MRPS27: variants seen among roughly 807,000 people sequenced by gnomAD.
The protein encoded by MRPS27 is small ribosomal subunit protein mS27.
In MRPS27, 43 loss-of-function variants were observed where a neutral mutation model predicts 48.9. The observed-to-expected ratio is 0.88, with a 90% confidence interval of 0.69 to 1.13. The LOEUF (loss-of-function observed/expected upper bound fraction) is 1.13, where lower values mean the gene tolerates loss of function less well. Among genes scored for constraint, MRPS27 ranks in the 50% most tolerant of loss-of-function variants. MRPS27 has a pLI of 0.00. For synonymous variants in MRPS27, 188 were observed against 171.9 expected, an observed-to-expected ratio of 1.09 and a Z score of -0.73; for missense variants, 467 against 476.3, an observed-to-expected ratio of 0.98 and a Z score of 0.18.
At chr5:72,291,924 C>A (rs1295552192) in intron 4 of MRPS27, among the ~76,000 whole-genome samples, 1 of 152,226 alleles carries the variant, frequency 6.6e-6, no homozygotes, top group African/African-American at 2.4e-5. Flanking sequence ...AAGAGGTTTA[C>A]CATTTAGCCT....
At chr5:72,237,701 A>T (rs747951803) in intron 5 of MRPS27, among the ~76,000 whole-genome samples, 1 of 152,042 alleles carries the variant, frequency 6.6e-6, no homozygotes, top group Non-Finnish European at 1.5e-5. Context: ...CCTATACTTC[A>T]CCAGAAGGAA....
chr5:72,225,226 A>G (rs1747859854), intron 9 of MRPS27, among the ~76,000 whole-genome samples: 1 of 152,238 alleles, frequency 6.6e-6, no homozygotes, highest in Non-Finnish European at 1.5e-5. Context: ...AGACATAAGT[A>G]TAAGGTGACA....
intron 2 of MRPS27, among the ~76,000 whole-genome samples, chr5:72,303,992 A>ATAAAATTGG (rs1178953237): frequency 6.6e-6 from 1 of 152,096 alleles, no homozygotes; most frequent in Non-Finnish European, 1.5e-5. Context: ...TTAGAACTCA[A>ATAAAATTGG]TAAAATTGGT....
chr5:72,277,791 G>C (rs867648387), intron 4 of MRPS27, among the ~76,000 whole-genome samples: 3 of 152,120 alleles, frequency 2.0e-5, no homozygotes, highest in Non-Finnish European at 4.4e-5. Context: ...CCTTTGCAGG[G>C]AAAGGGATGG....
chr5:72,263,998 C>A (rs1417249071), intron 4 of MRPS27, among the ~76,000 whole-genome samples: 2 of 152,066 alleles, frequency 1.3e-5, no homozygotes, highest in African/African-American at 4.8e-5. Context: ...ACCCAAGCAT[C>A]CATCAACAGA....
intron 2 of MRPS27, among the ~76,000 whole-genome samples, chr5:72,302,285 T>C (rs977273164): frequency 2.0e-5 from 3 of 152,206 alleles, no homozygotes; most frequent in African/African-American, 7.2e-5. Flanking sequence ...TGGGTGAGGA[T>C]TCAGATTGCC....
At chr5:72,303,882 C>CAAAAAAA (rs397818748) in intron 2 of MRPS27, among the ~76,000 whole-genome samples, 64 of 69,112 alleles carry the variant, frequency 9.3e-4, no homozygotes, top group Middle Eastern at 9.3e-3. Flanking sequence ...GACCTCATCT[C>CAAAAAAA]AAAAAAAAAA....
chr5:72,228,477 CAAA>C, intron 7 of MRPS27, 109 bp from the exon 8 acceptor site: 2 of 674,794 alleles, frequency 3.0e-6, no homozygotes, highest in Non-Finnish European at 5.0e-6. Flanking sequence ...ATTAAGTAAA[CAAA>C]GAAGAACAAA....
intron 4 of MRPS27, among the ~76,000 whole-genome samples, chr5:72,282,492 T>C (rs956704215): frequency 3.3e-5 from 5 of 152,126 alleles, no homozygotes; most frequent in East Asian, 3.9e-4. Flanking sequence ...AATTTGACTT[T>C]ACAATTATAA....
At chr5:72,227,050 C>T (rs1747919762) in intron 8 of MRPS27, 1 of 152,286 alleles carries the variant, frequency 6.6e-6, no homozygotes, top group African/African-American at 2.4e-5. Context: ...AATTTTAGAC[C>T]TTTAAGGTGC....
chr5:72,226,010 G>A (rs757408343), intron 9 of MRPS27, 47 bp downstream of exon 9: 1 of 1,577,130 alleles, frequency 6.3e-7, no homozygotes, highest in Admixed American at 1.7e-5. Context: ...CTCAGGTTAT[G>A]GGAAACAGAT....
At chr5:72,301,519 T>C (rs772083784) in intron 2 of MRPS27, among the ~76,000 whole-genome samples, 3 of 152,224 alleles carry the variant, frequency 2.0e-5, no homozygotes, top group Non-Finnish European at 2.9e-5. Context: ...TATGGCCTAA[T>C]TAAAATGAAA....
chr5:72,228,200 A>G (rs767952307), intron 8 of MRPS27, 66 bp downstream of exon 8: 30 of 1,315,582 alleles, frequency 2.3e-5, no homozygotes, highest in African/African-American at 2.9e-5. Context: ...CAATTTTATT[A>G]TGAACTGGAA....
chr5:72,239,585 A>G lies in MRPS27; in HGVS notation c.282-1457T>C, dbSNP rs774491931. 2.6e-5 allele frequency among the ~76,000 whole-genome samples: 4 copies of G among 152,172 alleles called. No individual in the cohort carries two copies. The South Asian group carries it at 8.3e-4, about 32-fold the overall frequency. ...GCCAGAGAAAGGCATGGTATAGGGGACCTAGATACTCAATCTTATAAGATC... is the reference window on the plus strand; with the variant it reads ...GCCAGAGAAAGGCATGGTATAGGGGGCCTAGATACTCAATCTTATAAGATC... On this transcript the variant is annotated intron_variant, in intron 4 of 10. Transcript: ENST00000261413.
intron 2 of MRPS27, among the ~76,000 whole-genome samples, chr5:72,308,692 T>C (rs1256903764): frequency 1.3e-5 from 2 of 152,122 alleles, no homozygotes; most frequent in Admixed American, 6.5e-5. Flanking sequence ...CAAATAAAAA[T>C]GAGGGAAAAC....
intron 6 of MRPS27, among the ~76,000 whole-genome samples, chr5:72,233,624 C>T (rs1307492566): frequency 6.6e-6 from 1 of 151,916 alleles, no homozygotes; most frequent in Non-Finnish European, 1.5e-5. Flanking sequence ...AATGGGGAAA[C>T]TGAGATAGGC....
chr5:72,257,751 G>C (rs1408063672), intron 4 of MRPS27, among the ~76,000 whole-genome samples: 1 of 148,762 alleles, frequency 6.7e-6, no homozygotes, highest in African/African-American at 2.5e-5. Context: ...TGAGCAGCAG[G>C]ATGTACTGTT....
intron 4 of MRPS27, among the ~76,000 whole-genome samples, chr5:72,246,835 C>T (rs1748522814): frequency 6.6e-6 from 1 of 151,478 alleles, no homozygotes; most frequent in Admixed American, 6.5e-5. Flanking sequence ...CTAAATTAGA[C>T]CCCTCACTTT....
intron 3 of MRPS27, among the ~76,000 whole-genome samples, chr5:72,296,637 C>T (rs1228570978): frequency 1.3e-5 from 2 of 152,160 alleles, no homozygotes; most frequent in African/African-American, 2.4e-5. Context: ...CGAAAAATGG[C>T]CTTTCCATTC....
Sources: gnomAD v4.1 joint callset for allele counts (sites outside exome capture counted in the v4.1 genomes callset) on GRCh38, gnomAD v4.1.1 for gene constraint, MANE v1.5 for transcripts, NCBI Gene and HGNC (gene_info 2026-07-23, HGNC 2026-07-21) for gene names.